Variants in KCNIP4 observed in about 807,000 individuals in gnomAD.
KCNIP4 encodes the protein Kv channel-interacting protein 4.
A neutral mutation model predicts 34.0 loss-of-function variants in KCNIP4; 12 were observed. The observed-to-expected ratio is 0.35, with a 90% CI of 0.23 to 0.57. The LOEUF (loss-of-function observed/expected upper bound fraction) is 0.57. KCNIP4 is among the 20% of genes least tolerant of loss of function. The probability of loss-of-function intolerance (pLI) is 0.83; values close to 1 mark genes in which losing one functional copy is unlikely to be tolerated. For synonymous variants in KCNIP4, 124 were observed against 102.2 expected (o/e 1.21, Z -1.29); for missense variants, 238 against 311.7 (o/e 0.76, Z 1.78).
At position 21,189,503 on chromosome 4, in the gene KCNIP4, G is replaced by T. The variant is rs73805058; in HGVS notation, c.62-306794C>A. Among the ~76,000 whole-genome samples the T allele has an allele frequency of 5.0e-3, 766 of 152,276 alleles. 3 individuals carry two copies. The highest frequency in any genetic ancestry group is 0.016 in the African/African-American group (665 of 41,574). On this transcript the variant is annotated intron_variant, in intron 1 of 8. Coordinates refer to ENST00000382152, the MANE Select transcript of KCNIP4 (RefSeq NM_025221.6). ...GTTTCTGATCCATGCCATAAAAAAT[G>T]CTTTTCATAAAATTGTGTACAAAAC... is the stretch of plus-strand genomic sequence containing the variant.
intron 3 of KCNIP4, among the ~76,000 whole-genome samples, chr4:20,842,635 A>G (rs151071513): frequency 9.2e-4 from 137 of 148,594 alleles, no homozygotes; most frequent in African/African-American, 3.2e-3. Context: ...TTAAGTAGGA[A>G]CTGACTGGTT....
intron 1 of KCNIP4, among the ~76,000 whole-genome samples, chr4:21,062,413 G>A (rs906555380): frequency 6.6e-5 from 10 of 152,088 alleles, no homozygotes; most frequent in African/African-American, 2.4e-4. Context: ...GACTATAGAT[G>A]TAATTAGTTA....
intron 1 of KCNIP4, among the ~76,000 whole-genome samples, chr4:21,150,827 C>A (rs1017528094): frequency 6.6e-6 from 1 of 152,164 alleles, no homozygotes; most frequent in African/African-American, 2.4e-5. Context: ...GAAATAAAGG[C>A]AATCTGCTGA....
At position 21,897,124 on chromosome 4, in the gene KCNIP4, G is replaced by A. The variant is rs1412133004; in HGVS notation, c.61+51447C>T. Among the ~76,000 whole-genome samples the A allele has an allele frequency of 2.0e-5, 3 of 151,884 alleles. No homozygotes were observed. In the East Asian group the frequency reaches 5.8e-4, roughly 29 times the overall value. ...CTTTATATAAGACTTTAAAATTTAT[G>A]CTTTACTTTTACTATAAGAGAACAG... On this transcript the variant is annotated intron_variant, in intron 1 of 8. Transcript: ENST00000382152.
At chr4:21,337,189 A>G (rs978926176) in intron 1 of KCNIP4, among the ~76,000 whole-genome samples, 11 of 152,150 alleles carry the variant, frequency 7.2e-5, no homozygotes, top group Non-Finnish European at 1.6e-4. Context: ...TGGGAAGCGG[A>G]GAAGATGAGG....
intron 1 of KCNIP4, among the ~76,000 whole-genome samples, chr4:21,190,022 G>GT (rs1458220470): frequency 1.3e-5 from 2 of 152,062 alleles, no homozygotes; most frequent in African/African-American, 4.8e-5. Context: ...AAGAAACAGG[G>GT]TTTTTTTCAG....
chr4:20,786,451 A>G (rs1712002750), intron 3 of KCNIP4, among the ~76,000 whole-genome samples: 1 of 152,196 alleles, frequency 6.6e-6, no homozygotes, highest in Non-Finnish European at 1.5e-5. Context: ...TCTAAAATAA[A>G]AATAAAAGCC....
At chr4:21,500,316 T>C (rs1733210276) in intron 1 of KCNIP4, among the ~76,000 whole-genome samples, 1 of 152,126 alleles carries the variant, frequency 6.6e-6, no homozygotes, top group African/African-American at 2.4e-5. Flanking sequence ...ACTGGGTTTT[T>C]ATAGGTGAGA....
At chr4:21,247,818 T>TAC (rs1170502412) in intron 1 of KCNIP4, among the ~76,000 whole-genome samples, 37 of 102,148 alleles carry the variant, frequency 3.6e-4, no homozygotes, top group African/African-American at 1.7e-3. Flanking sequence ...TATATATATA[T>TAC]ATACACACAC....
chr4:21,902,272 T>C (rs2108969486), intron 1 of KCNIP4, among the ~76,000 whole-genome samples: 1 of 152,266 alleles, frequency 6.6e-6, no homozygotes, highest in Admixed American at 6.6e-5. Context: ...TTTATTTATA[T>C]TACAAATATT....
chr4:21,042,345 T>G (rs1560671011), intron 1 of KCNIP4, among the ~76,000 whole-genome samples: 1 of 152,184 alleles, frequency 6.6e-6, no homozygotes, highest in African/African-American at 2.4e-5. Flanking sequence ...CAATGAAATA[T>G]TATTTGACCA....
At chr4:21,067,424 T>C (rs1371287072) in intron 1 of KCNIP4, among the ~76,000 whole-genome samples, 3 of 152,014 alleles carry the variant, frequency 2.0e-5, no homozygotes, top group Non-Finnish European at 4.4e-5. Flanking sequence ...TCAGCTCAGT[T>C]ACAGTGAGAT....
At chr4:21,128,185 A>C (rs536913456) in intron 1 of KCNIP4, among the ~76,000 whole-genome samples, 1 of 152,354 alleles carries the variant, frequency 6.6e-6, no homozygotes, top group East Asian at 1.9e-4. Context: ...TGAAAACACA[A>C]TAAAGTACAA....
intron 1 of KCNIP4, among the ~76,000 whole-genome samples, chr4:21,555,949 G>A (rs918916390): frequency 2.6e-5 from 4 of 152,052 alleles, no homozygotes; most frequent in East Asian, 1.9e-4. Flanking sequence ...ACAGCTGTGC[G>A]CTGTGAAAAA....
intron 1 of KCNIP4, among the ~76,000 whole-genome samples, chr4:21,616,109 T>G (rs1744582838): frequency 6.6e-6 from 1 of 152,190 alleles, no homozygotes; most frequent in African/African-American, 2.4e-5. Context: ...CCCCAGTCAC[T>G]GCCCTTGTCT....
At chr4:21,455,840 T>A (rs1279734609) in intron 1 of KCNIP4, among the ~76,000 whole-genome samples, 1 of 125,336 alleles carries the variant, frequency 8.0e-6, no homozygotes, top group African/African-American at 3.6e-5. Flanking sequence ...TATATATATA[T>A]ATATATATAT....
chr4:21,439,022 C>A (rs565000473), intron 1 of KCNIP4, among the ~76,000 whole-genome samples: 4 of 152,058 alleles, frequency 2.6e-5, no homozygotes, highest in Middle Eastern at 6.8e-3. Context: ...ATTAACCGGG[C>A]GTGGCGGCGG....
intron 1 of KCNIP4, among the ~76,000 whole-genome samples, chr4:21,737,637 T>C (rs762518673): frequency 6.6e-6 from 1 of 152,220 alleles, no homozygotes; most frequent in East Asian, 1.9e-4. Context: ...GGATTCTCTT[T>C]TGCCAGTAAC....
At chr4:21,570,592 G>A (rs1740289231) in intron 1 of KCNIP4, among the ~76,000 whole-genome samples, 1 of 152,136 alleles carries the variant, frequency 6.6e-6, no homozygotes, top group Admixed American at 6.5e-5. Flanking sequence ...GCATCCATAT[G>A]GGAGAAGGAT....
Sources: allele counts gnomAD v4.1 joint callset (sites outside exome capture counted in the v4.1 genomes callset), GRCh38; gene constraint gnomAD v4.1.1; transcripts MANE v1.5; gene names NCBI Gene and HGNC (gene_info 2026-07-23, HGNC 2026-07-21).